TGM6: variants seen among roughly 807,000 people sequenced by gnomAD.
TGM6 encodes protein-glutamine gamma-glutamyltransferase 6.
In TGM6, 74 loss-of-function variants were observed where a neutral mutation model predicts 77.5. The observed-to-expected ratio is 0.96, with a 90% CI of 0.79 to 1.16. The LOEUF is 1.16. Among genes scored for constraint, TGM6 ranks in the 50% most tolerant of loss-of-function variants. The pLI, the probability that TGM6 is intolerant of heterozygous loss-of-function variation, is 0.00. For synonymous variants in TGM6, 383 were observed against 378.9 expected (o/e 1.01, Z -0.12); for missense variants, 968 against 940.2 (o/e 1.03, Z -0.39).
At chr20:2,423,339 C>A (rs184433753) in intron 10 of TGM6, among the ~76,000 whole-genome samples, 2 of 151,886 alleles carry the variant, frequency 1.3e-5, no homozygotes, top group East Asian at 3.9e-4. Flanking sequence ...CCTCTCAAAC[C>A]CTGCCACTGC....
intron 9 of TGM6, 37 bp from the exon 10 acceptor site, chr20:2,417,195 G>A (rs745852354): frequency 3.2e-6 from 5 of 1,551,316 alleles, no homozygotes; most frequent in Admixed American, 1.9e-5. Context: ...AAGGAGCAAG[G>A]GGGTGCCTGC....
Position 2,430,958 on chromosome 20 carries a change from T to C in TGM6, c.1898T>C (p.Ile633Thr), listed in dbSNP as rs746304003. The C allele has an allele frequency of 1.4e-4, 222 of 1,613,844 alleles. No individual in the cohort carries two copies. Among genetic ancestry groups the C allele is most frequent in the Non-Finnish European group, 1.8e-4 (217 of 1,180,008 alleles). Residue 633 changes from isoleucine (I) to threonine (T), a missense_variant, in exon 12 of 13, where the codon ATA (isoleucine) becomes ACA (threonine). Transcript: ENST00000202625. ...TVEVTVVNPL[I>T]ERVKDCALMV... ...GAAGTGACAGTAGTCAACCCCCTCATAGAGAGAGTGAAGGACTGTGCGCTG... is the reference window on the plus strand; with the variant it reads ...GAAGTGACAGTAGTCAACCCCCTCACAGAGAGAGTGAAGGACTGTGCGCTG...
intron 10 of TGM6, among the ~76,000 whole-genome samples, chr20:2,420,641 C>T (rs1232546086): frequency 3.9e-5 from 6 of 152,178 alleles, no homozygotes; most frequent in Non-Finnish European, 8.8e-5. Flanking sequence ...TCCACCTATT[C>T]ATCCCTCCTT....
intron 10 of TGM6, among the ~76,000 whole-genome samples, chr20:2,421,591 GGTGT>G (rs1485113597): frequency 5.3e-5 from 8 of 152,130 alleles, no homozygotes; most frequent in Non-Finnish European, 1.0e-4. Context: ...TCTTTGGTGA[GGTGT>G]CCAGGTCTTT....
At chr20:2,391,945 G>T (rs1266222169) in intron 1 of TGM6, among the ~76,000 whole-genome samples, 1 of 152,166 alleles carries the variant, frequency 6.6e-6, no homozygotes, top group African/African-American at 2.4e-5. Flanking sequence ...TAGCGCCATA[G>T]CTGCTGGCTA....
At chr20:2,396,367 C>G in intron 3 of TGM6, 139 bp from the exon 4 acceptor site, 1 of 810,488 alleles carries the variant, frequency 1.2e-6, no homozygotes, top group Non-Finnish European at 2.2e-6. Context: ...AGCACGGGAG[C>G]TCGCAAGCCC....
chr20:2,401,680 A>C (rs1179437150), intron 7 of TGM6, among the ~76,000 whole-genome samples: 1 of 152,202 alleles, frequency 6.6e-6, no homozygotes, highest in Non-Finnish European at 1.5e-5. Flanking sequence ...TATTTCGCAG[A>C]TGAGGAAACT....
intron 1 of TGM6, among the ~76,000 whole-genome samples, chr20:2,387,670 G>C (rs141069499): frequency 6.6e-6 from 1 of 152,358 alleles, no homozygotes; most frequent in African/African-American, 2.4e-5. Flanking sequence ...GTCTAGACAA[G>C]AATCTTGGCT....
intron 10 of TGM6, among the ~76,000 whole-genome samples, chr20:2,418,040 T>C (rs1197867456): frequency 5.9e-5 from 9 of 151,678 alleles, no homozygotes; most frequent in South Asian, 2.1e-4. Flanking sequence ...TGAGACAGAG[T>C]CTCACTCTGT....
chr20:2,413,539 G>T (rs1377196405), intron 9 of TGM6, among the ~76,000 whole-genome samples: 1 of 152,112 alleles, frequency 6.6e-6, no homozygotes, highest in Non-Finnish European at 1.5e-5. Flanking sequence ...TTAAAATTAT[G>T]ATCAATTGAT....
chr20:2,420,193 C>A (rs1293181559), intron 10 of TGM6, among the ~76,000 whole-genome samples: 1 of 151,790 alleles, frequency 6.6e-6, no homozygotes, highest in Non-Finnish European at 1.5e-5. Context: ...TGCAGTGAGC[C>A]GAGATCGCGC....
intron 12 of TGM6, among the ~76,000 whole-genome samples, chr20:2,432,073 G>A (rs1171865203): frequency 2.0e-5 from 3 of 152,184 alleles, no homozygotes; most frequent in Non-Finnish European, 2.9e-5. Flanking sequence ...TTTTGAGACA[G>A]AGTCTCACTC....
At chr20:2,430,215 C>T (rs1177691375) in intron 10 of TGM6, among the ~76,000 whole-genome samples, 1 of 152,072 alleles carries the variant, frequency 6.6e-6, no homozygotes, top group African/African-American at 2.4e-5. Context: ...AAATTTGACT[C>T]CCACCTCATC....
At chr20:2,422,057 G>C (rs537162924) in intron 10 of TGM6, among the ~76,000 whole-genome samples, 4 of 152,066 alleles carry the variant, frequency 2.6e-5, no homozygotes, top group Non-Finnish European at 4.4e-5. Flanking sequence ...GCTTGAACCC[G>C]GGAGGCGGAG....
At position 2,430,961 on chromosome 20, in the gene TGM6, A is replaced by G. The variant is rs2084920182; in HGVS notation, c.1901A>G (p.Glu634Gly). 1 of 1,614,092 alleles carries G rather than the reference A, an allele frequency of 6.2e-7. No homozygotes were observed. Among genetic ancestry groups the G allele is most frequent in the African/African-American group, 1.3e-5 (1 of 75,000 alleles). ...VEVTVVNPLI[E>G]RVKDCALMVE... ...GTGACAGTAGTCAACCCCCTCATAGAGAGAGTGAAGGACTGTGCGCTGATG... is the reference window on the plus strand; with the variant it reads ...GTGACAGTAGTCAACCCCCTCATAGGGAGAGTGAAGGACTGTGCGCTGATG... The change falls in exon 12 of 13, where the codon GAG becomes GGG. Residue 634 changes from glutamate (E) to glycine (G), a missense_variant. Coordinates refer to ENST00000202625, the MANE Select transcript of TGM6 (RefSeq NM_198994.3).
At position 2,395,433 on chromosome 20, in the gene TGM6, G is replaced by A. The variant is rs550158320; in HGVS notation, c.421G>A (p.Ala141Thr). ...EFVLLFNPWC[A>T]EDDVFLASEE... ...TGTTCTCCTTTTCAACCCATGGTGT[G>A]CAGGTAGGAGTGGCCAAGTCCAATG... is the stretch of plus-strand genomic sequence containing the variant. The change falls in exon 3 of 13, where the codon GCA (alanine) becomes ACA (threonine). Residue 141 changes from alanine to threonine, a missense_variant. By Grantham distance (58) the Ala-to-Thr change is moderately conservative. Transcript: ENST00000202625. The A allele has an allele frequency of 3.1e-6, 5 of 1,614,256 alleles. No individual in the cohort carries two copies. In the African/African-American group the frequency reaches 4.0e-5, roughly 13 times the overall value.
At chr20:2,381,743 C>G (rs1224256705) in intron 1 of TGM6, among the ~76,000 whole-genome samples, 13 of 152,100 alleles carry the variant, frequency 8.5e-5, no homozygotes, top group African/African-American at 2.9e-4. Context: ...GTGGCAAAAC[C>G]CCGTCTCTAC....
At chr20:2,384,296 A>G (rs2084578298) in intron 1 of TGM6, among the ~76,000 whole-genome samples, 1 of 151,710 alleles carries the variant, frequency 6.6e-6, no homozygotes, top group African/African-American at 2.4e-5. Flanking sequence ...TCACTACCCT[A>G]TGTATAATTA....
chr20:2,401,741 G>A (rs1025060286), intron 7 of TGM6, among the ~76,000 whole-genome samples: 1 of 152,192 alleles, frequency 6.6e-6, no homozygotes, highest in African/African-American at 2.4e-5. Flanking sequence ...GCTAGTGAGT[G>A]GAAGCATAAG....
Sources: allele counts gnomAD v4.1 joint callset (sites outside exome capture counted in the v4.1 genomes callset), GRCh38; gene constraint gnomAD v4.1.1; transcripts MANE v1.5; gene names NCBI Gene and HGNC (gene_info 2026-07-23, HGNC 2026-07-21).